Variants in NAV3 observed in about 807,000 individuals in gnomAD.
NAV3 encodes the protein neuron navigator 3, also known as pore membrane and/or filament interacting like protein 1.
Under a neutral mutation model 244.7 loss-of-function variants are expected in NAV3, and 87 were observed. The ratio of observed to expected loss-of-function variants is 0.36; its 90% CI spans 0.30 to 0.42. The LOEUF (loss-of-function observed/expected upper bound fraction) is 0.42, where lower values mean the gene tolerates loss of function less well. Ranked by LOEUF, NAV3 falls within the 20% of genes least tolerant of loss-of-function variation. The probability of loss-of-function intolerance (pLI) is 1.00; values close to 1 mark genes in which losing one functional copy is unlikely to be tolerated. For missense variants in NAV3, 2,663 were observed against 2,893.3 expected, an observed-to-expected ratio of 0.92 and a Z score of 1.83; for synonymous variants, 1,126 against 1,042.2, an observed-to-expected ratio of 1.08 and a Z score of -1.55.
At chr12:77,973,278 A>G (rs1010096522) in intron 5 of NAV3, among the ~76,000 whole-genome samples, 4 of 152,214 alleles carry the variant, frequency 2.6e-5, no homozygotes, top group African/African-American at 9.7e-5. Context: ...TGTAAAAAGA[A>G]GAAAATTGAA....
At chr12:77,582,838 A>G (rs1286845840) in intron 2 of NAV3, among the ~76,000 whole-genome samples, 1 of 152,216 alleles carries the variant, frequency 6.6e-6, no homozygotes, top group African/African-American at 2.4e-5. Flanking sequence ...GGCCTGTCAC[A>G]GAGGTGAGAC....
In NAV3 at chr12:77,940,316, C is replaced by T. The variant is rs1005088467; in HGVS notation, c.244-3C>T. On this transcript the variant is annotated splice_region_variant and splice_polypyrimidine_tract_variant and intron_variant, in intron 1 of 39. Coordinates refer to ENST00000397909, the MANE Select transcript of NAV3 (RefSeq NM_001024383.2). ...TCACTTTTTCCTTCTCTCTGTTCAACAGATTTACACTGACTGGGCCAACCA... is the reference window on the plus strand; with the variant it reads ...TCACTTTTTCCTTCTCTCTGTTCAATAGATTTACACTGACTGGGCCAACCA... The T allele has an allele frequency of 3.1e-6, 5 of 1,608,500 alleles. No individual in the cohort carries two copies. In the Admixed American group the frequency reaches 6.8e-5, roughly 22 times the overall value.
intron 2 of NAV3, among the ~76,000 whole-genome samples, chr12:77,667,920 A>T (rs552733041): frequency 1.2e-4 from 19 of 152,210 alleles, no homozygotes; most frequent in African/African-American, 4.6e-4. Context: ...CCTCCACCAG[A>T]GCAGGTGCTG....
intron 2 of NAV3, among the ~76,000 whole-genome samples, chr12:77,615,753 T>C (rs2136842129): frequency 6.6e-6 from 1 of 152,296 alleles, no homozygotes; most frequent in Non-Finnish European, 1.5e-5. Flanking sequence ...GTTTATAGTG[T>C]GGACTCTTGT....
At chr12:78,050,670 T>C in intron 10 of NAV3, 94 bp from the exon 11 acceptor site, 9 of 1,313,370 alleles carry the variant, frequency 6.9e-6, no homozygotes, top group Non-Finnish European at 9.4e-6. Context: ...TTATAAGAGA[T>C]GACCCTCAAC....
chr12:77,945,814 C>T (rs1023987118), intron 3 of NAV3, among the ~76,000 whole-genome samples: 11 of 151,784 alleles, frequency 7.2e-5, no homozygotes, highest in Non-Finnish European at 1.2e-4. Context: ...ATGGTGTGAT[C>T]GTGGCTCACT....
chr12:77,989,436 T>A (rs1048856747), intron 5 of NAV3, among the ~76,000 whole-genome samples: 1 of 152,160 alleles, frequency 6.6e-6, no homozygotes, highest in Non-Finnish European at 1.5e-5. Flanking sequence ...CTATGGAAGC[T>A]AAAGAGCTAG....
chr12:77,959,011 C>T (rs1891625320), intron 3 of NAV3, among the ~76,000 whole-genome samples: 1 of 152,102 alleles, frequency 6.6e-6, no homozygotes, highest in African/African-American at 2.4e-5. Flanking sequence ...ACAGGAATAA[C>T]ACATGAATTA....
At chr12:77,763,667 G>C (rs186324911) in intron 2 of NAV3, among the ~76,000 whole-genome samples, 2 of 152,040 alleles carry the variant, frequency 1.3e-5, no homozygotes, top group East Asian at 3.9e-4. Flanking sequence ...TTCTCTGAAG[G>C]AAATATTACA....
intron 2 of NAV3, among the ~76,000 whole-genome samples, chr12:77,773,325 C>T (rs1013610639): frequency 1.3e-5 from 2 of 151,786 alleles, no homozygotes; most frequent in Non-Finnish European, 2.9e-5. Flanking sequence ...ACTGTTGGTA[C>T]TAAAATCTCA....
intron 9 of NAV3, among the ~76,000 whole-genome samples, chr12:78,022,804 C>T (rs1199377723): frequency 6.6e-6 from 1 of 152,172 alleles, no homozygotes; most frequent in African/African-American, 2.4e-5. Context: ...GACATGACTA[C>T]AGCATCCTGC....
chr12:77,734,824 C>A (rs1429177097), intron 2 of NAV3, among the ~76,000 whole-genome samples: 1 of 152,128 alleles, frequency 6.6e-6, no homozygotes, highest in Non-Finnish European at 1.5e-5. Context: ...TGACCAGTTT[C>A]TTTTAAGTGA....
At chr12:77,831,728 G>T (rs2136081269) in intron 1 of NAV3, 24 bp downstream of exon 1, 16 of 1,569,018 alleles carry the variant, frequency 1.0e-5, no homozygotes, top group Non-Finnish European at 1.3e-5. Context: ...GTTACCTGCA[G>T]ACTTGTGTAG....
intron 38 of NAV3, among the ~76,000 whole-genome samples, chr12:78,201,072 C>T (rs1254070762): frequency 1.1e-4 from 10 of 90,296 alleles, no homozygotes; most frequent in African/African-American, 2.2e-4. Flanking sequence ...TCTTCTCCTT[C>T]TTTTTTTTTT....
intron 2 of NAV3, among the ~76,000 whole-genome samples, chr12:77,769,020 A>G (rs1184330172): frequency 1.3e-5 from 2 of 152,246 alleles, no homozygotes; most frequent in Non-Finnish European, 2.9e-5. Flanking sequence ...CCTTTACATG[A>G]ATTGATATAT....
chr12:78,065,261 G>A (rs930356364), intron 12 of NAV3, among the ~76,000 whole-genome samples: 2 of 152,080 alleles, frequency 1.3e-5, no homozygotes, highest in African/African-American at 4.8e-5. Flanking sequence ...AGATTTTAAT[G>A]CAAGACAGCA....
intron 9 of NAV3, among the ~76,000 whole-genome samples, chr12:78,049,024 G>A (rs572887496): frequency 3.3e-4 from 50 of 152,286 alleles, no homozygotes; most frequent in African/African-American, 1.1e-3. Flanking sequence ...ATTGTGAGGG[G>A]AAAAGCACCT....
chr12:77,863,008 ATTC>A (rs1211425399), intron 1 of NAV3, among the ~76,000 whole-genome samples: 1 of 151,758 alleles, frequency 6.6e-6, no homozygotes, highest in Non-Finnish European at 1.5e-5. Context: ...CTGAGTTCCC[ATTC>A]TTCTTGGTTA....
intron 5 of NAV3, among the ~76,000 whole-genome samples, chr12:77,988,067 A>T (rs1290667033): frequency 6.6e-6 from 1 of 152,154 alleles, no homozygotes; most frequent in African/African-American, 2.4e-5. Flanking sequence ...ATGCTGTTTG[A>T]CTTTAGAAAC....
Sources: allele counts gnomAD v4.1 joint callset (sites outside exome capture counted in the v4.1 genomes callset), GRCh38; gene constraint gnomAD v4.1.1; transcripts MANE v1.5; gene names NCBI Gene and HGNC (gene_info 2026-07-23, HGNC 2026-07-21).